The following FBXL5 variants were observed in gnomAD, a reference collection of about 807,000 sequenced individuals.
FBXL5 encodes F-box/LRR-repeat protein 5.
Under a neutral mutation model 78.3 loss-of-function variants are expected in FBXL5, and 26 were observed. The ratio of observed to expected loss-of-function variants is 0.33; its 90% CI spans 0.24 to 0.46. FBXL5 has a LOEUF of 0.46. Among genes scored for constraint, FBXL5 ranks in the 20% least tolerant of loss-of-function variants. The probability of loss-of-function intolerance (pLI) is 1.00; values close to 1 mark genes in which losing one functional copy is unlikely to be tolerated. For synonymous variants in FBXL5, 295 were observed against 282.5 expected, an observed-to-expected ratio of 1.04 and a Z score of -0.45; for missense variants, 710 against 829.2, an observed-to-expected ratio of 0.86 and a Z score of 1.77.
intron 7 of FBXL5, 83 bp downstream of exon 7, chr4:15,627,802 T>C: frequency 7.1e-7 from 1 of 1,400,288 alleles, no homozygotes; most frequent in Non-Finnish European, 9.7e-7. Flanking sequence ...TTGTTTCCCC[T>C]TAATTAAACT....
At chr4:15,636,379 A>T (rs2148622390) in intron 5 of FBXL5, 115 bp downstream of exon 5, 1 of 830,572 alleles carries the variant, frequency 1.2e-6, no homozygotes, top group South Asian at 3.6e-5. Context: ...TCTAACTATA[A>T]AATCTACTTT....
rs560475947 is a variant in FBXL5, at chr4:15,635,576, A to C, written c.766+918T>G. On this transcript the variant is annotated intron_variant, in intron 5 of 10. Coordinates refer to ENST00000341285, the MANE Select transcript of FBXL5 (RefSeq NM_012161.4). ...CGAGACCAGCCTGATCAACATGATG[A>C]AACCCCATCTCTACTAAAAATACAA... 6.6e-5 allele frequency among the ~76,000 whole-genome samples: 10 copies of C among 151,982 alleles called. No homozygotes were observed. In the East Asian group the frequency reaches 2.0e-3, roughly 30 times the overall value.
intron 10 of FBXL5, among the ~76,000 whole-genome samples, chr4:15,606,720 T>C (rs2148507371): frequency 6.6e-6 from 1 of 152,208 alleles, no homozygotes; most frequent in East Asian, 1.9e-4. Context: ...ACCAAAATAC[T>C]TGCAATTGTG....
Position 15,615,481 on chromosome 4 carries a change from G to A in FBXL5, c.1851-3067C>T, listed in dbSNP as rs201020252. ...CTCAAGGTTTGTGAGTGCACCAGTC[G>A]ACACTCTGTATCTAGCTGCTCTGGT... On this transcript the variant is annotated intron_variant, in intron 9 of 10. Transcript: ENST00000341285. Among the ~76,000 whole-genome samples, 80 of 147,596 alleles carry A rather than the reference G, an allele frequency of 5.4e-4. 1 individual carries two copies. Among genetic ancestry groups the A allele is most frequent in the African/African-American group, 1.9e-3 (77 of 39,952 alleles).
chr4:15,613,879 C>CA (rs1251275847), intron 9 of FBXL5, among the ~76,000 whole-genome samples: 3 of 151,762 alleles, frequency 2.0e-5, no homozygotes, highest in Non-Finnish European at 2.9e-5. Context: ...TTCTATTCAC[C>CA]TTTCTCTGGT....
intron 2 of FBXL5, among the ~76,000 whole-genome samples, chr4:15,642,227 T>C (rs1041924687): frequency 6.6e-6 from 1 of 150,586 alleles, no homozygotes; most frequent in African/African-American, 2.5e-5. Flanking sequence ...GTGGAAAATT[T>C]ATAAAATAAT....
At chr4:15,668,580 G>C (rs1717640961) in intron 1 of FBXL5, among the ~76,000 whole-genome samples, 2 of 151,936 alleles carry the variant, frequency 1.3e-5, no homozygotes, top group Non-Finnish European at 2.9e-5. Context: ...AAAAAAGGAA[G>C]TATAAAAGAT....
At chr4:15,637,125 C>A (rs1714360929) in intron 4 of FBXL5, among the ~76,000 whole-genome samples, 1 of 152,190 alleles carries the variant, frequency 6.6e-6, no homozygotes, top group Non-Finnish European at 1.5e-5. Context: ...ATTATGACTC[C>A]TGTCAATAAT....
chr4:15,626,005 G>A (rs775005699), intron 8 of FBXL5, 28 bp from the exon 9 acceptor site: 2 of 1,517,214 alleles, frequency 1.3e-6, no homozygotes, highest in East Asian at 4.6e-5. Flanking sequence ...GACTATTAAT[G>A]AATATTGTTA....
intron 5 of FBXL5, among the ~76,000 whole-genome samples, chr4:15,633,722 A>G (rs1472780521): frequency 6.6e-6 from 1 of 152,132 alleles, no homozygotes; most frequent in Non-Finnish European, 1.5e-5. Flanking sequence ...GCCTCCAAGT[A>G]GCTGGGATAA....
chr4:15,620,918 G>C (rs190752386), intron 9 of FBXL5, among the ~76,000 whole-genome samples: 2 of 152,022 alleles, frequency 1.3e-5, no homozygotes, highest in Non-Finnish European at 2.9e-5. Context: ...CCATCCCTTC[G>C]TTTTCCATAA....
intron 9 of FBXL5, among the ~76,000 whole-genome samples, chr4:15,624,168 T>C (rs1334698154): frequency 6.6e-6 from 1 of 152,034 alleles, no homozygotes; most frequent in African/African-American, 2.4e-5. Context: ...GTAGGGAGTA[T>C]TAAGTTTTAT....
intron 1 of FBXL5, among the ~76,000 whole-genome samples, chr4:15,668,200 G>T (rs780082664): frequency 2.6e-5 from 4 of 151,162 alleles, no homozygotes; most frequent in Non-Finnish European, 5.9e-5. Flanking sequence ...GACAAAAAAA[G>T]TATCAGTTGT....
At chr4:15,647,285 A>AAC (rs1167805881) in intron 1 of FBXL5, among the ~76,000 whole-genome samples, 1 of 149,050 alleles carries the variant, frequency 6.7e-6, no homozygotes, top group Admixed American at 6.7e-5. Context: ...CAACAACAAC[A>AAC]AAAAACAATA....
chr4:15,647,249 A>C (rs1478645374), intron 1 of FBXL5, among the ~76,000 whole-genome samples: 2 of 114,260 alleles, frequency 1.8e-5, no homozygotes, highest in Non-Finnish European at 3.4e-5. Context: ...AAAAAGAAAG[A>C]AAATGTTGAA....
chr4:15,662,239 A>G (rs534428797), upstream of FBXL5, among the ~76,000 whole-genome samples: 1 of 152,308 alleles, frequency 6.6e-6, no homozygotes, highest in African/African-American at 2.4e-5. Context: ...CTGGTTTGAC[A>G]GCTCTACTTT....
chr4:15,654,678 G>A (rs777519236), intron 1 of FBXL5, among the ~76,000 whole-genome samples: 1 of 152,218 alleles, frequency 6.6e-6, no homozygotes, highest in Non-Finnish European at 1.5e-5. Context: ...CCGGGTAGCT[G>A]GGAGACGCTG....
At position 15,625,244 on chromosome 4, in the gene FBXL5, T is replaced by TCC. The variant is rs761132789; in HGVS notation, c.1850+7_1850+8insGG. ...CTATTTCTTAATATTCTGGAACTGATAACTCACCTGAGACCATGGTCTGTG... is the reference window on the plus strand; with the variant it reads ...CTATTTCTTAATATTCTGGAACTGATCCAACTCACCTGAGACCATGGTCTGTG... On this transcript the variant is annotated splice_region_variant and intron_variant, in intron 9 of 10. Coordinates refer to ENST00000341285, the MANE Select transcript of FBXL5 (RefSeq NM_012161.4). 1 of 1,586,788 alleles carries TCC rather than the reference T, an allele frequency of 6.3e-7. No individual in the cohort carries two copies. The highest frequency in any genetic ancestry group is 1.4e-5 in the African/African-American group (1 of 73,736).
intron 1 of FBXL5, among the ~76,000 whole-genome samples, chr4:15,650,170 C>A (rs143095843): frequency 8.5e-4 from 129 of 152,242 alleles, no homozygotes; most frequent in African/African-American, 2.9e-3. Context: ...AGGGATGTGG[C>A]TAAACATCCT....
Sources: gnomAD v4.1 joint callset for allele counts (sites outside exome capture counted in the v4.1 genomes callset) on GRCh38, gnomAD v4.1.1 for gene constraint, MANE v1.5 for transcripts, NCBI Gene and HGNC (gene_info 2026-07-23, HGNC 2026-07-21) for gene names.